Variants in ANKRD6 observed in about 807,000 individuals in gnomAD.
The protein encoded by ANKRD6 is ankyrin repeat domain-containing protein 6.
Under a neutral mutation model 82.3 loss-of-function variants are expected in ANKRD6, and 56 were observed. The observed-to-expected ratio is 0.68, with a 90% CI of 0.55 to 0.85. The LOEUF (loss-of-function observed/expected upper bound fraction) is 0.85, where lower values mean the gene tolerates loss of function less well. Among genes scored for constraint, ANKRD6 ranks in the 40% least tolerant of loss-of-function variants. The probability of loss-of-function intolerance (pLI) is 0.00; values close to 1 mark genes in which losing one functional copy is unlikely to be tolerated. For synonymous variants in ANKRD6, 347 were observed against 352.1 expected, an observed-to-expected ratio of 0.99 and a Z score of 0.16; for missense variants, 852 against 907.6, an observed-to-expected ratio of 0.94 and a Z score of 0.79.
At chr6:89,448,347 T>C (rs2127950925) in intron 1 of ANKRD6, among the ~76,000 whole-genome samples, 1 of 151,220 alleles carries the variant, frequency 6.6e-6, no homozygotes, top group South Asian at 2.1e-4. Context: ...GGTAGGAAGA[T>C]CACCTGAGAC....
chr6:89,521,806 A>G (rs1398776740), intron 1 of ANKRD6, among the ~76,000 whole-genome samples: 1 of 152,108 alleles, frequency 6.6e-6, no homozygotes, highest in Non-Finnish European at 1.5e-5. Flanking sequence ...TTGAGAAAAT[A>G]TGAGTTCAAA....
At chr6:89,564,563 C>T (rs772067146) in intron 1 of ANKRD6, among the ~76,000 whole-genome samples, 1 of 151,960 alleles carries the variant, frequency 6.6e-6, no homozygotes, top group African/African-American at 2.4e-5. Context: ...AGGGGAGTGG[C>T]TATCAATTTA....
chr6:89,465,738 C>T (rs972192526), intron 1 of ANKRD6, among the ~76,000 whole-genome samples: 1 of 151,998 alleles, frequency 6.6e-6, no homozygotes, highest in African/African-American at 2.4e-5. Flanking sequence ...TAGCACATAC[C>T]TGTGGTCCCA....
At chr6:89,530,111 T>G (rs550136546) in intron 1 of ANKRD6, among the ~76,000 whole-genome samples, 1 of 151,996 alleles carries the variant, frequency 6.6e-6, no homozygotes, top group South Asian at 2.1e-4. Flanking sequence ...AAAAATTAGT[T>G]GGGCACGGTT....
intron 1 of ANKRD6, among the ~76,000 whole-genome samples, chr6:89,464,044 C>T (rs1329238739): frequency 2.0e-5 from 3 of 152,146 alleles, no homozygotes; most frequent in African/African-American, 7.2e-5. Context: ...GGTGTAAGGC[C>T]ACAGCCCTTC....
chr6:89,567,038 G>A lies in ANKRD6; in HGVS notation c.62G>A (p.Gly21Asp). Residue 21 changes from glycine (G) to aspartate (D), a missense_variant, in exon 2 of 16, where the codon GGC (glycine) becomes GAC (aspartate). Physicochemically the swap from Gly to Asp is moderately conservative, Grantham distance 94. Transcript: ENST00000339746. Reference sequence around the variant, plus strand: ...CGCCTTCTCGTAGCTGCGTACAAAGGCCAAACAGAGAATGTGGTTCAGCTC... The same window carrying A: ...CGCCTTCTCGTAGCTGCGTACAAAGACCAAACAGAGAATGTGGTTCAGCTC... ...SERLLVAAYK[G>D]QTENVVQLIN... The A allele has an allele frequency of 6.2e-7, 1 of 1,607,386 alleles. No individual in the cohort carries two copies.
At chr6:89,586,251 A>G (rs1236846326) in intron 2 of ANKRD6, among the ~76,000 whole-genome samples, 1 of 152,224 alleles carries the variant, frequency 6.6e-6, no homozygotes, top group Non-Finnish European at 1.5e-5. Flanking sequence ...ACATGATTAT[A>G]TTAACAGTTC....
intron 2 of ANKRD6, among the ~76,000 whole-genome samples, chr6:89,581,024 G>A (rs1164478753): frequency 6.6e-6 from 1 of 152,112 alleles, no homozygotes; most frequent in Non-Finnish European, 1.5e-5. Flanking sequence ...CTCCTCCCAT[G>A]CTGCCCCCAC....
At chr6:89,552,934 C>T (rs1017755524) in intron 1 of ANKRD6, among the ~76,000 whole-genome samples, 12 of 152,164 alleles carry the variant, frequency 7.9e-5, no homozygotes, top group Non-Finnish European at 1.2e-4. Context: ...GGGGACCTAG[C>T]GGAGTCTTTT....
chr6:89,449,572 A>G (rs1326149168), intron 1 of ANKRD6, among the ~76,000 whole-genome samples: 1 of 152,198 alleles, frequency 6.6e-6, no homozygotes, highest in Non-Finnish European at 1.5e-5. Flanking sequence ...CCCTGCAAAT[A>G]ATTATTTCTT....
intron 1 of ANKRD6, among the ~76,000 whole-genome samples, chr6:89,507,748 T>C (rs4307139): frequency 0.34 from 51,315 of 152,050 alleles, 8,942 homozygotes; most frequent in African/African-American, 0.38. Context: ...TAAAATAAAG[T>C]AGCACATACA....
At chr6:89,606,470 A>T (rs1310598536) in intron 5 of ANKRD6, among the ~76,000 whole-genome samples, 1 of 152,188 alleles carries the variant, frequency 6.6e-6, no homozygotes, top group Admixed American at 6.5e-5. Flanking sequence ...GAAAATTAGT[A>T]AAGTGGGCTC....
At chr6:89,434,245 T>C (rs1223805123) in intron 1 of ANKRD6, among the ~76,000 whole-genome samples, 2 of 152,228 alleles carry the variant, frequency 1.3e-5, no homozygotes, top group Non-Finnish European at 2.9e-5. Context: ...CCTCGTAGTA[T>C]TGTGTTCATG....
intron 1 of ANKRD6, among the ~76,000 whole-genome samples, chr6:89,491,673 G>T (rs1778023893): frequency 6.6e-6 from 1 of 152,026 alleles, no homozygotes; most frequent in African/African-American, 2.4e-5. Flanking sequence ...AGCATTAAGA[G>T]ATATACCTAA....
chr6:89,514,864 G>T (rs115603250), intron 1 of ANKRD6, among the ~76,000 whole-genome samples: 1 of 152,298 alleles, frequency 6.6e-6, no homozygotes, highest in East Asian at 1.9e-4. Context: ...GTCAACCATG[G>T]TGTTTCCAGT....
intron 1 of ANKRD6, among the ~76,000 whole-genome samples, chr6:89,561,766 A>AT (rs139014957): frequency 6.6e-6 from 1 of 151,478 alleles, no homozygotes; most frequent in East Asian, 1.9e-4. Context: ...ATGGTTGTAT[A>AT]TTTTTTTTTA....
chr6:89,565,478 A>C (rs890747996), intron 1 of ANKRD6: 1 of 152,222 alleles, frequency 6.6e-6, no homozygotes. Flanking sequence ...TCACATAATA[A>C]AATACCCTCT....
intron 1 of ANKRD6, among the ~76,000 whole-genome samples, chr6:89,523,051 C>T (rs937793252): frequency 2.6e-5 from 4 of 152,158 alleles, no homozygotes; most frequent in African/African-American, 9.7e-5. Flanking sequence ...ATGGAGACAG[C>T]AGATTCCCTC....
chr6:89,446,985 G>A (rs1772174741), intron 1 of ANKRD6, among the ~76,000 whole-genome samples: 1 of 152,166 alleles, frequency 6.6e-6, no homozygotes, highest in South Asian at 2.1e-4. Flanking sequence ...CTGCGGAACT[G>A]AGTCAATTAA....
Sources: gnomAD v4.1 joint callset for allele counts (sites outside exome capture counted in the v4.1 genomes callset) on GRCh38, gnomAD v4.1.1 for gene constraint, MANE v1.5 for transcripts, NCBI Gene and HGNC (gene_info 2026-07-23, HGNC 2026-07-21) for gene names.